The following ASTN2 variants were observed in gnomAD, a reference collection of about 807,000 sequenced individuals.
ASTN2 encodes the protein astrotactin 2.
In ASTN2, 54 loss-of-function variants were observed where a neutral mutation model predicts 139.8. That is an observed-to-expected ratio of 0.39 (90% CI 0.31 to 0.48). The LOEUF is 0.48. Ranked by LOEUF, ASTN2 falls within the 20% of genes least tolerant of loss-of-function variation. ASTN2 has a pLI of 0.95. For synonymous variants in ASTN2, 756 were observed against 719.5 expected (o/e 1.05, Z -0.81); for missense variants, 1,565 against 1,725.1 (o/e 0.91, Z 1.64).
At chr9:116,732,954 C>T (rs1828828629) in intron 14 of ASTN2, among the ~76,000 whole-genome samples, 1 of 152,190 alleles carries the variant, frequency 6.6e-6, no homozygotes, top group Non-Finnish European at 1.5e-5. Context: ...CAAAAACGAG[C>T]TGTGTAACTC....
At chr9:116,999,856 G>A (rs925296691) in intron 7 of ASTN2, among the ~76,000 whole-genome samples, 1 of 151,960 alleles carries the variant, frequency 6.6e-6, no homozygotes, top group Admixed American at 6.6e-5. Context: ...CACCATGCCT[G>A]GCCAGTAATT....
At chr9:117,149,729 C>A (rs971873875) in intron 3 of ASTN2, among the ~76,000 whole-genome samples, 3 of 152,094 alleles carry the variant, frequency 2.0e-5, no homozygotes, top group Non-Finnish European at 2.9e-5. Context: ...AGAAAGAAAA[C>A]AACAAGCAAC....
intron 7 of ASTN2, among the ~76,000 whole-genome samples, chr9:117,000,741 G>A (rs150262308): frequency 2.3e-4 from 35 of 152,192 alleles, no homozygotes; most frequent in African/African-American, 8.4e-4. Context: ...TCTTTCATTG[G>A]TTTGTTCTCA....
intron 20 of ASTN2, among the ~76,000 whole-genome samples, chr9:116,462,594 C>T (rs1400738738): frequency 6.6e-6 from 1 of 152,116 alleles, no homozygotes; most frequent in Non-Finnish European, 1.5e-5. Flanking sequence ...AAGTTCAATG[C>T]TTTACTCTAA....
At chr9:116,986,655 A>C (rs1305993176) in intron 7 of ASTN2, among the ~76,000 whole-genome samples, 7 of 152,192 alleles carry the variant, frequency 4.6e-5, no homozygotes, top group Admixed American at 2.0e-4. Context: ...CAACAAACCA[A>C]GGTGGGCTCT....
At chr9:117,303,281 T>G (rs1021709078) in intron 1 of ASTN2, among the ~76,000 whole-genome samples, 1 of 152,112 alleles carries the variant, frequency 6.6e-6, no homozygotes, top group South Asian at 2.1e-4. Flanking sequence ...TGATACAAGA[T>G]TAAAATAGAA....
intron 3 of ASTN2, among the ~76,000 whole-genome samples, chr9:117,187,621 G>T (rs940536051): frequency 2.0e-5 from 3 of 152,102 alleles, no homozygotes; most frequent in African/African-American, 7.2e-5. Context: ...AACTAGGTTG[G>T]CTGTCTGTCA....
intron 1 of ASTN2, among the ~76,000 whole-genome samples, chr9:117,384,335 G>A (rs879677318): frequency 3.3e-5 from 5 of 152,138 alleles, no homozygotes; most frequent in Non-Finnish European, 2.9e-5. Flanking sequence ...AGACAAAAGC[G>A]AAACCCAAGA....
chr9:116,852,559 A>G (rs550711861), intron 11 of ASTN2, among the ~76,000 whole-genome samples: 4 of 152,264 alleles, frequency 2.6e-5, no homozygotes, highest in African/African-American at 9.6e-5. Context: ...CCCTCAAGGG[A>G]AAGGGATTTC....
chr9:117,374,549 A>C (rs1830071258), intron 1 of ASTN2, among the ~76,000 whole-genome samples: 1 of 152,130 alleles, frequency 6.6e-6, no homozygotes, highest in South Asian at 2.1e-4. Flanking sequence ...GCATAGCTGC[A>C]AGGCTTGAAA....
intron 10 of ASTN2, among the ~76,000 whole-genome samples, chr9:116,873,485 C>G (rs569206111): frequency 6.6e-6 from 1 of 152,296 alleles, no homozygotes; most frequent in East Asian, 1.9e-4. Flanking sequence ...GGAGTCAGGC[C>G]TCCAGTGCAG....
chr9:117,387,205 C>A (rs917348967), intron 1 of ASTN2, among the ~76,000 whole-genome samples: 1 of 152,194 alleles, frequency 6.6e-6, no homozygotes, highest in Non-Finnish European at 1.5e-5. Context: ...TATATCCTCA[C>A]TGAATTGAAA....
intron 12 of ASTN2, among the ~76,000 whole-genome samples, chr9:116,807,202 G>A (rs1429032323): frequency 6.6e-6 from 1 of 152,172 alleles, no homozygotes; most frequent in Admixed American, 6.5e-5. Flanking sequence ...TAACCGCAAA[G>A]GGACTCAGGA....
At chr9:116,471,021 C>T (rs2119008297) in intron 20 of ASTN2, among the ~76,000 whole-genome samples, 1 of 152,260 alleles carries the variant, frequency 6.6e-6, no homozygotes, top group East Asian at 1.9e-4. Flanking sequence ...GGGGTTTCCT[C>T]TCCTTTTTCT....
intron 10 of ASTN2, among the ~76,000 whole-genome samples, chr9:116,931,867 T>G (rs568627446): frequency 3.2e-4 from 49 of 152,260 alleles, no homozygotes; most frequent in African/African-American, 1.2e-3. Flanking sequence ...GAGATCTTAA[T>G]GAAGAGAAAT....
chr9:116,729,004 T>A lies in ASTN2; in HGVS notation c.2614A>T (p.Thr872Ser). The A allele has an allele frequency of 6.3e-7, 1 of 1,583,194 alleles. No homozygotes were observed. Among genetic ancestry groups the A allele is most frequent in the Non-Finnish European group, 8.6e-7 (1 of 1,163,604 alleles). The change falls in exon 15 of 23, where the codon ACC becomes TCC. Residue 872 changes from threonine (T) to serine (S), a missense_variant. Thr to Ser is a moderately conservative substitution (Grantham distance 58). Around this residue, in one of 4 missense-constraint regions of ASTN2, gnomAD observed 503 missense variants for 591.7 expected, o/e 0.85. Coordinates refer to ENST00000313400, the MANE Select transcript of ASTN2 (RefSeq NM_001365068.1). Reference protein sequence around the residue: ...NLYRVKLSTITLAAGFTNVLK... With the variant: ...NLYRVKLSTISLAAGFTNVLK... Reference sequence around the variant, plus strand: ...CAGTGGTCCTCACCTGCTGCGAGGGTGATGGTGCTGAGCTTCACACGGTAG... The same window carrying A: ...CAGTGGTCCTCACCTGCTGCGAGGGAGATGGTGCTGAGCTTCACACGGTAG...
chr9:116,825,224 A>C (rs1463638358), intron 11 of ASTN2, among the ~76,000 whole-genome samples: 1 of 152,226 alleles, frequency 6.6e-6, no homozygotes, highest in African/African-American at 2.4e-5. Flanking sequence ...CTGAGCATAT[A>C]GGCAGGATGC....
chr9:117,311,383 C>T (rs1827971855), intron 1 of ASTN2, among the ~76,000 whole-genome samples: 1 of 152,172 alleles, frequency 6.6e-6, no homozygotes, highest in Non-Finnish European at 1.5e-5. Context: ...CTGTTTCCCA[C>T]CAGAGGCACA....
chr9:117,093,827 A>C (rs565393501), intron 5 of ASTN2, among the ~76,000 whole-genome samples: 1 of 152,142 alleles, frequency 6.6e-6, no homozygotes, highest in Non-Finnish European at 1.5e-5. Context: ...GTATTAAGAA[A>C]GCTCTCCCTG....
Sources: gnomAD v4.1 joint callset for allele counts (sites outside exome capture counted in the v4.1 genomes callset) on GRCh38, gnomAD v4.1.1 for gene constraint, gnomAD v4.1.1 regional missense constraint, MANE v1.5 for transcripts, NCBI Gene and HGNC (gene_info 2026-07-23, HGNC 2026-07-21) for gene names.